Variants in RAD51AP1 observed in about 807,000 individuals in gnomAD.
The protein encoded by RAD51AP1 is RAD51 associated protein 1.
In RAD51AP1, 14 loss-of-function variants were observed where a neutral mutation model predicts 34.3. That is an observed-to-expected ratio of 0.41 (90% confidence interval 0.27 to 0.64). The LOEUF is 0.64. RAD51AP1 is among the 30% of genes least tolerant of loss of function. The pLI, the probability that RAD51AP1 is intolerant of heterozygous loss-of-function variation, is 0.33. For missense variants in RAD51AP1, 348 were observed against 386.9 expected (o/e 0.90, Z 0.84); for synonymous variants, 114 against 129.8 (o/e 0.88, Z 0.83).
chr12:4,547,819 A>G (rs1483236806), intron 4 of RAD51AP1, among the ~76,000 whole-genome samples: 1 of 152,198 alleles, frequency 6.6e-6, no homozygotes, highest in African/African-American at 2.4e-5. Context: ...TTTTATCTCC[A>G]CATTATAGAT....
chr12:4,548,863 A>G (rs1944526095), intron 6 of RAD51AP1, 27 bp downstream of exon 6: 1 of 1,601,910 alleles, frequency 6.2e-7, no homozygotes, highest in Non-Finnish European at 8.5e-7. Context: ...TTCGAAATTA[A>G]TTCTATGGGA....
chr12:4,548,803 A>AT lies in RAD51AP1; in HGVS notation c.523_524insT (p.Ser175MetfsTer3). The AT allele has an allele frequency of 6.2e-7, 1 of 1,614,116 alleles. No individual in the cohort carries two copies. Among genetic ancestry groups the AT allele is most frequent in the Non-Finnish European group, 8.5e-7 (1 of 1,179,960 alleles). ...TCTTCTGGAAGGCAGTGATGGTGAT[A>AT]GTGCTAATGACACTGAACCAGACTT... On this transcript the variant is annotated frameshift_variant, in exon 6 of 9. Coordinates refer to ENST00000352618, the MANE Select transcript of RAD51AP1 (RefSeq NM_006479.5). LOFTEE classifies it high-confidence loss of function.
chr12:4,541,108 A>G (rs1944463414), intron 1 of RAD51AP1, among the ~76,000 whole-genome samples: 1 of 152,194 alleles, frequency 6.6e-6, no homozygotes, highest in Non-Finnish European at 1.5e-5. Flanking sequence ...AGCATCCCAA[A>G]TTTGAAATGC....
Position 4,556,344 on chromosome 12 carries a change from T to C in RAD51AP1, c.722-9T>C, listed in dbSNP as rs934441046. 10 of 1,602,968 alleles carry C rather than the reference T, an allele frequency of 6.2e-6. No homozygotes were observed. Among genetic ancestry groups the C allele is most frequent in the South Asian group, 2.2e-5 (2 of 89,812 alleles). ...TGACAAACATTTTTACGTATATTTT[T>C]CAAATAAGTGACTTCGGTGGACTCT... On this transcript the variant is annotated splice_polypyrimidine_tract_variant and intron_variant, in intron 7 of 8. Coordinates refer to ENST00000352618, the MANE Select transcript of RAD51AP1 (RefSeq NM_006479.5).
intron 1 of RAD51AP1, among the ~76,000 whole-genome samples, chr12:4,540,097 T>C (rs1033934790): frequency 1.3e-5 from 2 of 152,134 alleles, no homozygotes; most frequent in Non-Finnish European, 2.9e-5. Context: ...AACTTGCTGA[T>C]GAAGTAGATG....
chr12:4,544,781 A>G (rs779200222), intron 3 of RAD51AP1, among the ~76,000 whole-genome samples: 1 of 152,328 alleles, frequency 6.6e-6, no homozygotes, highest in Admixed American at 6.5e-5. Context: ...AAAGATTTCA[A>G]TAGACTTTCT....
At chr12:4,548,450 T>G (rs1490564857) in intron 5 of RAD51AP1, among the ~76,000 whole-genome samples, 2 of 152,134 alleles carry the variant, frequency 1.3e-5, no homozygotes, top group Non-Finnish European at 2.9e-5. Context: ...GTTTGAAAAT[T>G]TTGGGGGAAA....
intron 6 of RAD51AP1, among the ~76,000 whole-genome samples, chr12:4,551,858 A>G (rs940844390): frequency 3.9e-5 from 6 of 152,094 alleles, no homozygotes; most frequent in African/African-American, 4.8e-5. Flanking sequence ...GATAGATGAA[A>G]CAAATGGAGC....
intron 8 of RAD51AP1, among the ~76,000 whole-genome samples, chr12:4,556,947 A>G (rs1471529307): frequency 1.3e-5 from 2 of 152,240 alleles, no homozygotes; most frequent in Admixed American, 6.5e-5. Context: ...CAAATGCCCT[A>G]GCAAACTCAA....
chr12:4,558,516 TAAA>T (rs1273403354), intron 8 of RAD51AP1, among the ~76,000 whole-genome samples: 1 of 152,216 alleles, frequency 6.6e-6, no homozygotes, highest in African/African-American at 2.4e-5. Context: ...TGCAGGACCT[TAAA>T]AATGCATTTG....
intron 4 of RAD51AP1, among the ~76,000 whole-genome samples, 181 bp downstream of exon 4, chr12:4,546,599 A>G (rs1944508117): frequency 6.6e-6 from 1 of 152,194 alleles, no homozygotes; most frequent in South Asian, 2.1e-4. Flanking sequence ...ATCTCATACA[A>G]ACAGACATAC....
At chr12:4,554,793 A>G (rs1255167108) in intron 7 of RAD51AP1, among the ~76,000 whole-genome samples, 1 of 151,980 alleles carries the variant, frequency 6.6e-6, no homozygotes, top group Non-Finnish European at 1.5e-5. Context: ...TGTCTAGCAC[A>G]TGTTATAATT....
intron 4 of RAD51AP1, among the ~76,000 whole-genome samples, 187 bp downstream of exon 4, chr12:4,546,605 CA>C (rs1342447658): frequency 6.6e-6 from 1 of 152,198 alleles, no homozygotes; most frequent in Non-Finnish European, 1.5e-5. Flanking sequence ...TACAAACAGA[CA>C]TACATCTCTG....
rs140635765 is a variant in RAD51AP1 at position 4,552,049 on chromosome 12, A to G, written c.557-934A>G. On this transcript the variant is annotated intron_variant, in intron 6 of 8. Transcript: ENST00000352618. ...GAGATTACAGAGTAGATTTTCTTTA[A>G]TAAAGTTTTGTATGGTCTGTATTTT... Among the ~76,000 whole-genome samples, 443 of 152,290 alleles carry G rather than the reference A, an allele frequency of 2.9e-3. 8 individuals carry two copies. Among genetic ancestry groups the G allele is most frequent in the Admixed American group, 0.025 (377 of 15,296 alleles).
In RAD51AP1 at chr12:4,556,488, A is replaced by T. The variant is rs776117003; in HGVS notation, c.857A>T (p.Lys286Ile). ...CCTTCAGCTGAAAGCAAGAAACCTA[A>T]ATGGGTCCCACCAGGTATGGCATAT... ...RSPSAESKKP[K>I]WVPPAASGGS... The change falls in exon 8 of 9, where the codon AAA becomes ATA. Residue 286 changes from lysine to isoleucine, a missense_variant. By Grantham distance (102) the Lys-to-Ile change is moderately radical (BLOSUM62 -3). Transcript: ENST00000352618. 1.9e-6 allele frequency: 3 copies of T among 1,613,750 alleles called. 1 individual carries two copies. In the South Asian group the frequency reaches 3.3e-5, roughly 18 times the overall value.
Position 4,548,154 on chromosome 12 carries a change from T to TG in RAD51AP1, c.383dup (p.Cys128TrpfsTer6), listed in dbSNP as rs757922821. ...GAATAAGTCTCCTCATATCTCTAAT[T>TG]GCAGTGTAGCCAGTGATTATTTAGG... On this transcript the variant is annotated frameshift_variant, in exon 5 of 9. Transcript: ENST00000352618. LOFTEE classifies it high-confidence loss of function. 1 of 1,602,108 alleles carries TG rather than the reference T, an allele frequency of 6.2e-7. No homozygotes were observed. Among genetic ancestry groups the TG allele is most frequent in the Non-Finnish European group, 8.5e-7 (1 of 1,177,230 alleles).
chr12:4,548,097 GA>G lies in RAD51AP1; in HGVS notation c.330del (p.Lys110AsnfsTer7). The G allele has an allele frequency of 6.3e-7, 1 of 1,596,518 alleles. No homozygotes were observed. The highest frequency in any genetic ancestry group is 8.5e-7 in the Non-Finnish European group (1 of 1,175,612). ...NVQNSQDKSI[E>X]KHGSSKIETM... The stretch of plus-strand genomic sequence containing the variant: ...TTCTTATTCCTTATATTTAGGCATT[GA>G]AAAACATGGCAGTAGTAAAATAGAA... On this transcript the variant is annotated frameshift_variant, in exon 5 of 9. Coordinates refer to ENST00000352618, the MANE Select transcript of RAD51AP1 (RefSeq NM_006479.5). LOFTEE classifies it high-confidence loss of function.
At chr12:4,556,271 C>A in intron 7 of RAD51AP1, 82 bp from the exon 8 acceptor site, 1 of 1,047,244 alleles carries the variant, frequency 9.5e-7, no homozygotes, top group South Asian at 1.4e-5. Context: ...GATTATGTAA[C>A]TTTATAATTT....
At chr12:4,544,563 CTCATG>C (rs1944492442) in intron 3 of RAD51AP1, among the ~76,000 whole-genome samples, 1 of 152,142 alleles carries the variant, frequency 6.6e-6, no homozygotes, top group African/African-American at 2.4e-5. Context: ...AGAAACTTAC[CTCATG>C]TCATGCTCTT....
Sources: gnomAD v4.1 joint callset for allele counts (sites outside exome capture counted in the v4.1 genomes callset) on GRCh38, gnomAD v4.1.1 for gene constraint, MANE v1.5 for transcripts, NCBI Gene and HGNC (gene_info 2026-07-23, HGNC 2026-07-21) for gene names.